DCP2: variants seen among roughly 807,000 people sequenced by gnomAD.
The protein encoded by DCP2 is m7GpppN-mRNA hydrolase.
Under a neutral mutation model 56.1 loss-of-function variants are expected in DCP2, and 30 were observed. The ratio of observed to expected loss-of-function variants is 0.53; its 90% CI spans 0.40 to 0.73. The LOEUF is 0.73. Among genes scored for constraint, DCP2 ranks in the 30% least tolerant of loss-of-function variants. DCP2 has a pLI of 0.00. For synonymous variants in DCP2, 197 were observed against 163.3 expected, an observed-to-expected ratio of 1.21 and a Z score of -1.57; for missense variants, 533 against 502.7, an observed-to-expected ratio of 1.06 and a Z score of -0.58.
chr5:113,003,242 C>T lies in DCP2; in HGVS notation c.807-700C>T, dbSNP rs73789281. The stretch of plus-strand genomic sequence containing the variant: ...GAGTATAGGTGTGAGCTACTGCGCT[C>T]AGCCTGCATTAGTACAACATTTTAA... On this transcript the variant is annotated intron_variant, in intron 7 of 10. Coordinates refer to ENST00000389063, the MANE Select transcript of DCP2 (RefSeq NM_152624.6). Among the ~76,000 whole-genome samples, 1,456 of 152,302 alleles carry T rather than the reference C, an allele frequency of 9.6e-3. 20 individuals are homozygous for T. The highest frequency in any genetic ancestry group is 0.033 in the African/African-American group (1,359 of 41,558).
At chr5:113,008,936 C>T (rs568977853) in intron 9 of DCP2, among the ~76,000 whole-genome samples, 33 of 152,156 alleles carry the variant, frequency 2.2e-4, no homozygotes, top group Non-Finnish European at 4.3e-4. Flanking sequence ...CTCCACTTCC[C>T]GGGTTCAAGT....
At chr5:113,009,813 G>A (rs1362371729) in intron 9 of DCP2, among the ~76,000 whole-genome samples, 4 of 151,924 alleles carry the variant, frequency 2.6e-5, no homozygotes, top group Non-Finnish European at 4.4e-5. Flanking sequence ...TTTAAAGTTT[G>A]CAATTTTATG....
At chr5:113,012,961 T>C (rs1379777541) in intron 10 of DCP2, among the ~76,000 whole-genome samples, 1 of 152,198 alleles carries the variant, frequency 6.6e-6, no homozygotes, top group Non-Finnish European at 1.5e-5. Flanking sequence ...TTTATGGTGA[T>C]AAATTCCTGG....
At chr5:113,000,630 AG>A (rs1213622707) in intron 4 of DCP2, among the ~76,000 whole-genome samples, 13 of 152,224 alleles carry the variant, frequency 8.5e-5, no homozygotes, top group African/African-American at 3.1e-4. Flanking sequence ...TTCGAAGGAA[AG>A]GAAAACCAAA....
rs184122046 is a variant in DCP2, at chr5:113,013,397, T to C, written c.1176T>C (p.Asn392=). The C allele has an allele frequency of 1.4e-4, 218 of 1,614,178 alleles. 3 individuals carry two copies. In the East Asian group the frequency reaches 4.7e-3, roughly 34 times the overall value. Reference sequence around the variant, plus strand: ...CTGAGGGACAGCCCGTGGCATGTAATGGACATTGCAAGTTCCCCTTTTCAT... The same window carrying C: ...CTGAGGGACAGCCCGTGGCATGTAACGGACATTGCAAGTTCCCCTTTTCAT... ...EHAEGQPVAC[N]GHCKFPFSSR... is the part of the protein sequence containing the mutation. Residue 392 remains asparagine, a synonymous_variant, in exon 11 of 11, where the codon AAT becomes AAC. Coordinates refer to ENST00000389063, the MANE Select transcript of DCP2 (RefSeq NM_152624.6).
rs188146030 is a variant in DCP2 at position 112,988,278 on chromosome 5, C to T, written c.205+2292C>T. On this transcript the variant is annotated intron_variant, in intron 2 of 10. Transcript: ENST00000389063. ...GGGGCGGATCACTAAGTCAGGAGAT[C>T]GAGACCATCCTGGCCAACACAGTAA... 2.5e-4 allele frequency among the ~76,000 whole-genome samples: 37 copies of T among 149,702 alleles called. 1 individual carries two copies. The highest frequency in any genetic ancestry group is 1.1e-3 in the South Asian group (5 of 4,748).
Position 113,020,194 on chromosome 5 carries a change from T to C in DCP2, c.*6710T>C, listed in dbSNP as rs1750048571. On this transcript the variant is annotated 3_prime_UTR_variant, in exon 11 of 11. Coordinates refer to ENST00000389063, the MANE Select transcript of DCP2 (RefSeq NM_152624.6). ...AGGAAATGTTTCACTAAATATATTA[T>C]GGTCAATGAAAAAACCAGACTTTAG... The C allele has an allele frequency of 6.6e-6, 1 of 152,242 alleles. No homozygotes were observed. The highest frequency in any genetic ancestry group is 2.1e-4 in the South Asian group (1 of 4,834). 9.4% of individuals were successfully genotyped at this position (152,242 alleles called of 1,614,324 possible). A position where few individuals can be genotyped will look rare whatever the true frequency, so the allele number is the denominator to read the frequency against.
chr5:113,008,773 A>G (rs1749552871), intron 9 of DCP2, among the ~76,000 whole-genome samples: 1 of 152,202 alleles, frequency 6.6e-6, no homozygotes, highest in African/African-American at 2.4e-5. Context: ...AAGAACAGAG[A>G]AGACAATCTT....
intron 4 of DCP2, 24 bp downstream of exon 4, chr5:112,992,794 C>G (rs772869815): frequency 1.3e-6 from 2 of 1,539,256 alleles, no homozygotes; most frequent in African/African-American, 2.9e-5. Flanking sequence ...TTTTGATACA[C>G]AGTAAATTTG....
At chr5:112,977,601 T>A (rs1747779031) in intron 1 of DCP2, among the ~76,000 whole-genome samples, 1 of 152,224 alleles carries the variant, frequency 6.6e-6, no homozygotes, top group Non-Finnish European at 1.5e-5. Flanking sequence ...GCTGCTTTTC[T>A]TTTTATCCTT....
intron 9 of DCP2, 66 bp from the exon 10 acceptor site, chr5:113,010,690 A>G (rs1443550080): frequency 7.1e-7 from 1 of 1,403,892 alleles, no homozygotes; most frequent in Non-Finnish European, 9.3e-7. Flanking sequence ...TTGATTTTTA[A>G]TAAGTGAAAT....
At chr5:112,983,557 C>A (rs928457210) in intron 1 of DCP2, among the ~76,000 whole-genome samples, 1 of 152,092 alleles carries the variant, frequency 6.6e-6, no homozygotes, top group Non-Finnish European at 1.5e-5. Flanking sequence ...GATTGACTTA[C>A]GAGACCTTTC....
At chr5:112,984,630 C>G (rs116117713) in intron 1 of DCP2, 1 of 147,740 alleles carries the variant, frequency 6.8e-6, no homozygotes, top group East Asian at 2.0e-4. Context: ...CTCTAAAAAC[C>G]TGATTAAAAT....
intron 2 of DCP2, among the ~76,000 whole-genome samples, chr5:112,991,622 C>T (rs1748591841): frequency 1.3e-5 from 2 of 152,148 alleles, no homozygotes; most frequent in Non-Finnish European, 2.9e-5. Flanking sequence ...CAGAATTAAG[C>T]ACTTTATTCT....
rs1181496332 is a variant in DCP2 at position 112,984,701 on chromosome 5, A to ATATATATATATATATATATATATATATAT, written c.54-1134_54-1133insTATATATATATATATATATATATATATAT. On this transcript the variant is annotated intron_variant, in intron 1 of 10. Coordinates refer to ENST00000389063, the MANE Select transcript of DCP2 (RefSeq NM_152624.6). ...ATTTCTTAATTAAAAAAAAAAAAAAAAAATATATATATATATATATATATT... is the reference window on the plus strand; with the variant it reads ...ATTTCTTAATTAAAAAAAAAAAAAAATATATATATATATATATATATATATATATAAATATATATATATATATATATATT... 48 of 79,478 alleles carry ATATATATATATATATATATATATATATAT rather than the reference A, an allele frequency of 6.0e-4. 1 individual carries two copies. The highest frequency in any genetic ancestry group is 7.6e-4 in the African/African-American group (12 of 15,706). The allele number at this position is 79,478 out of a possible 1,614,324, so 4.9% of individuals were successfully genotyped here. A position where few individuals can be genotyped will look rare whatever the true frequency, so the allele number is the denominator to read the frequency against.
chr5:113,007,481 A>G (rs550731886), intron 8 of DCP2, among the ~76,000 whole-genome samples: 1 of 151,088 alleles, frequency 6.6e-6, no homozygotes, highest in East Asian at 2.0e-4. Context: ...GCTGACTGCA[A>G]CCTCCACCTC....
chr5:112,999,481 A>G (rs990233786), intron 4 of DCP2, among the ~76,000 whole-genome samples: 1 of 151,742 alleles, frequency 6.6e-6, no homozygotes, highest in East Asian at 1.9e-4. Context: ...GGCATGCGCC[A>G]CCCCGCCTGG....
intron 7 of DCP2, among the ~76,000 whole-genome samples, chr5:113,002,305 C>A (rs1214059667): frequency 6.6e-6 from 1 of 151,846 alleles, no homozygotes; most frequent in African/African-American, 2.4e-5. Flanking sequence ...CACCTGTAAT[C>A]CCAGCTTCTC....
chr5:112,993,048 T>G (rs1040876721), intron 4 of DCP2, among the ~76,000 whole-genome samples: 15 of 152,142 alleles, frequency 9.9e-5, no homozygotes, highest in Non-Finnish European at 1.5e-5. Flanking sequence ...CCCTTTAGAA[T>G]TAGATTTCCT....
Sources: allele counts gnomAD v4.1 joint callset (sites outside exome capture counted in the v4.1 genomes callset), GRCh38; gene constraint gnomAD v4.1.1; transcripts MANE v1.5; gene names NCBI Gene and HGNC (gene_info 2026-07-23, HGNC 2026-07-21).